IFT122: variants seen among roughly 807,000 people sequenced by gnomAD.
IFT122 encodes the protein intraflagellar transport 122, also known as intraflagellar transport protein 122 homolog.
In IFT122, 118 loss-of-function variants were observed where a neutral mutation model predicts 161.6. The observed-to-expected ratio is 0.73, with a 90% CI of 0.63 to 0.85. The LOEUF (loss-of-function observed/expected upper bound fraction) is 0.85. IFT122 is among the 40% of genes least tolerant of loss of function. The pLI is 0.00. For missense variants in IFT122, 1,381 were observed against 1,579.6 expected, an observed-to-expected ratio of 0.87 and a Z score of 2.13; for synonymous variants, 550 against 602.4, an observed-to-expected ratio of 0.91 and a Z score of 1.27.
chr3:129,494,891 A>G (rs531547637), intron 17 of IFT122, among the ~76,000 whole-genome samples: 1 of 152,164 alleles, frequency 6.6e-6, no homozygotes, highest in Non-Finnish European at 1.5e-5. Context: ...CACTGAGAGG[A>G]ATAAAGGGGC....
chr3:129,520,392 G>T lies in IFT122; in HGVS notation c.*127G>T. ...GATGAAGTTTGTGTTTTGTGGGGGG[G>T]GCCTTGTGTAACCACGGAATTCCTA... On this transcript the variant is annotated 3_prime_UTR_variant, in exon 30 of 30. Coordinates refer to ENST00000348417, the MANE Select transcript of IFT122 (RefSeq NM_052989.3). 1.3e-6 allele frequency: 1 copy of T among 785,792 alleles called. No homozygotes were observed. The highest frequency in any genetic ancestry group is 1.4e-5 in the South Asian group (1 of 69,158). 48.7% of individuals were successfully genotyped at this position (785,792 alleles called of 1,614,324 possible).
intron 26 of IFT122, 100 bp from the exon 27 acceptor site, chr3:129,517,369 C>T: frequency 6.6e-7 from 1 of 1,507,222 alleles, no homozygotes; most frequent in Non-Finnish European, 9.1e-7. Flanking sequence ...GGTGAAGCTG[C>T]CAGTGGGTTG....
intron 23 of IFT122, among the ~76,000 whole-genome samples, chr3:129,508,332 T>A (rs1451942759): frequency 6.6e-6 from 1 of 152,218 alleles, no homozygotes; most frequent in Non-Finnish European, 1.5e-5. Context: ...GTCAACAGCC[T>A]CTTCATCCAC....
At chr3:129,519,016 GC>G in intron 27 of IFT122, 90 bp from the exon 28 acceptor site, 6 of 1,088,784 alleles carry the variant, frequency 5.5e-6, no homozygotes, top group Non-Finnish European at 8.5e-6. Flanking sequence ...TGGTCTGGCT[GC>G]CCTTGAGTCT....
chr3:129,452,212 A>C (rs1252293992), intron 3 of IFT122: 18 of 518,362 alleles, frequency 3.5e-5, no homozygotes, highest in African/African-American at 5.8e-5. Context: ...TGCTTGAGTT[A>C]CTTCAGAGAA....
chr3:129,481,374 C>A (rs966079006), intron 13 of IFT122, 156 bp from the exon 14 acceptor site: 2 of 724,426 alleles, frequency 2.8e-6, no homozygotes, highest in Admixed American at 2.1e-5. Context: ...CCCCCACCCC[C>A]CTCTTTCTTT....
intron 3 of IFT122, among the ~76,000 whole-genome samples, chr3:129,453,502 G>A (rs1213034343): frequency 1.3e-5 from 2 of 152,194 alleles, no homozygotes; most frequent in Non-Finnish European, 2.9e-5. Flanking sequence ...ATTAGTTGGT[G>A]TGATTGTGTC....
At chr3:129,514,716 CCCTGTCCACCT>C (rs1458872078) in intron 25 of IFT122, 162 bp downstream of exon 25, 2 of 805,120 alleles carry the variant, frequency 2.5e-6, no homozygotes, top group East Asian at 5.3e-5. Context: ...CCCTGTGCTT[CCCTGTCCACCT>C]CCTGTTCTCC....
At chr3:129,470,448 G>A (rs1452735586) in intron 9 of IFT122, among the ~76,000 whole-genome samples, 1 of 151,630 alleles carries the variant, frequency 6.6e-6, no homozygotes, top group Non-Finnish European at 1.5e-5. Flanking sequence ...TGTATTTTTA[G>A]TAGAGACGGG....
In IFT122 at chr3:129,502,934, A is replaced by G. The variant is rs748155669; in HGVS notation, c.2547+52A>G. Reference sequence around the variant, plus strand: ...TGGGGCCCCACCTGAGCCCTGGGACACAGGCGGGTGGGTACAGGGGCCCTT... The same window carrying G: ...TGGGGCCCCACCTGAGCCCTGGGACGCAGGCGGGTGGGTACAGGGGCCCTT... On this transcript the variant is annotated intron_variant, in intron 20 of 29. Transcript: ENST00000348417. 1.6e-5 allele frequency: 25 copies of G among 1,579,474 alleles called. No homozygotes were observed. In the South Asian group the frequency reaches 2.4e-4, roughly 15 times the overall value.
At chr3:129,440,895 G>A (rs2072958524) in intron 1 of IFT122, among the ~76,000 whole-genome samples, 1 of 152,200 alleles carries the variant, frequency 6.6e-6, no homozygotes, top group Admixed American at 6.5e-5. Flanking sequence ...AAAGTAGGGA[G>A]AAACAAAACT....
chr3:129,504,169 C>A, intron 20 of IFT122, 150 bp from the exon 21 acceptor site: 6 of 656,474 alleles, frequency 9.1e-6, no homozygotes, highest in Non-Finnish European at 1.6e-5. Context: ...TTTTGCATTT[C>A]TGTGGGTAGT....
chr3:129,516,963 TAC>T (rs200395338), intron 26 of IFT122, among the ~76,000 whole-genome samples: 221 of 71,868 alleles, frequency 3.1e-3, no homozygotes, highest in Admixed American at 4.7e-3. Flanking sequence ...AGACTGCCCC[TAC>T]ACACACACAC....
chr3:129,519,682 C>T lies in IFT122; in HGVS notation c.3586C>T (p.Arg1196Cys), dbSNP rs201590142. ...CCCACCCCTGAGGTGGCAATACTTC[C>T]GCTCACTGCTGCCTGACGCCTCCAT... ...WPPPLRWQYF[R>C]SLLPDASITM... Residue 1196 changes from arginine (R) to cysteine (C), a missense_variant, in exon 29 of 30, where the codon CGC becomes TGC. This residue lies in a region of IFT122 where 177 missense variants were observed against 199.2 expected (regional missense o/e 0.89). Transcript: ENST00000348417. The T allele has an allele frequency of 9.2e-5, 149 of 1,613,790 alleles. 1 individual carries two copies. The highest frequency in any genetic ancestry group is 8.8e-4 in the South Asian group (80 of 91,090).
At chr3:129,470,076 C>T (rs1425678008) in intron 9 of IFT122, among the ~76,000 whole-genome samples, 1 of 151,570 alleles carries the variant, frequency 6.6e-6, no homozygotes, top group Non-Finnish European at 1.5e-5. Context: ...AGGCTAAGGA[C>T]ATTGGGAATG....
chr3:129,469,592 A>G (rs1480966151), intron 9 of IFT122, among the ~76,000 whole-genome samples, 175 bp downstream of exon 9: 1 of 152,228 alleles, frequency 6.6e-6, no homozygotes, highest in Admixed American at 6.5e-5. Flanking sequence ...TTATTCTTAT[A>G]AAACCCAATG....
At chr3:129,470,772 G>A (rs2077287554) in intron 9 of IFT122, among the ~76,000 whole-genome samples, 1 of 151,914 alleles carries the variant, frequency 6.6e-6, no homozygotes. Flanking sequence ...GTTTCTCCAT[G>A]TTGGTCAGGC....
At chr3:129,460,716 TTGAAGGAATGAATGAATGAG>T (rs1242427684) in intron 4 of IFT122, 2 of 751,796 alleles carry the variant, frequency 2.7e-6, no homozygotes, top group Non-Finnish European at 4.8e-6. Flanking sequence ...CAAACAATTT[TTGAAGGAATGAATGAATGAG>T]TGAAGTTGTA....
intron 9 of IFT122, among the ~76,000 whole-genome samples, chr3:129,471,151 T>A (rs1012203482): frequency 2.6e-5 from 4 of 152,200 alleles, no homozygotes; most frequent in African/African-American, 9.7e-5. Flanking sequence ...CAGTGAAGCC[T>A]TTAATTGCGT....
Sources: gnomAD v4.1 joint callset for allele counts (sites outside exome capture counted in the v4.1 genomes callset) on GRCh38, gnomAD v4.1.1 for gene constraint, gnomAD v4.1.1 regional missense constraint, MANE v1.5 for transcripts, NCBI Gene and HGNC (gene_info 2026-07-23, HGNC 2026-07-21) for gene names.